Variants in CCDC178 observed in about 807,000 individuals in gnomAD.
CCDC178 encodes the protein coiled-coil domain containing 178, also known as coiled-coil domain-containing protein 178.
In CCDC178, 126 loss-of-function variants were observed where a neutral mutation model predicts 117.4. The observed-to-expected ratio is 1.07, with a 90% confidence interval of 0.93 to 1.24. The LOEUF is 1.24. CCDC178 is among the 50% of genes most tolerant of loss of function. The probability of loss-of-function intolerance (pLI) is 0.00; values close to 1 mark genes in which losing one functional copy is unlikely to be tolerated. For synonymous variants in CCDC178, 283 were observed against 313.4 expected, an observed-to-expected ratio of 0.90 and a Z score of 1.02; for missense variants, 1,030 against 986.9, an observed-to-expected ratio of 1.04 and a Z score of -0.59.
chr18:33,234,121 T>G (rs1273678650), intron 15 of CCDC178, among the ~76,000 whole-genome samples: 2 of 152,162 alleles, frequency 1.3e-5, no homozygotes, highest in Non-Finnish European at 2.9e-5. Context: ...CAATGCTTTA[T>G]TTCTATCACA....
At chr18:33,397,627 G>GA (rs1384561189) in intron 3 of CCDC178, among the ~76,000 whole-genome samples, 1 of 151,982 alleles carries the variant, frequency 6.6e-6, no homozygotes, top group Non-Finnish European at 1.5e-5. Context: ...CCAGTTTATT[G>GA]AAAAAATACA....
At chr18:33,287,309 T>A (rs1208282282) in intron 12 of CCDC178, among the ~76,000 whole-genome samples, 1 of 152,248 alleles carries the variant, frequency 6.6e-6, no homozygotes, top group Non-Finnish European at 1.5e-5. Flanking sequence ...ATGCTTAACA[T>A]GTGCTCTTTG....
chr18:33,144,029 G>C (rs1671443636), intron 20 of CCDC178, among the ~76,000 whole-genome samples: 1 of 151,966 alleles, frequency 6.6e-6, no homozygotes. Context: ...TTGAGTTTTT[G>C]TTCTAATGTG....
chr18:33,165,801 A>T (rs1294204983), intron 20 of CCDC178, among the ~76,000 whole-genome samples: 1 of 152,228 alleles, frequency 6.6e-6, no homozygotes, highest in Admixed American at 6.5e-5. Flanking sequence ...GATGTGCAGC[A>T]GAACTGTTTT....
chr18:33,416,727 C>A (rs2063946417), intron 2 of CCDC178, among the ~76,000 whole-genome samples: 1 of 152,126 alleles, frequency 6.6e-6, no homozygotes, highest in Non-Finnish European at 1.5e-5. Flanking sequence ...TAGTGTGAGA[C>A]ATTACTTGCA....
intron 6 of CCDC178, among the ~76,000 whole-genome samples, chr18:33,368,133 AT>A (rs1223674778): frequency 2.0e-5 from 3 of 151,994 alleles, no homozygotes; most frequent in Non-Finnish European, 2.9e-5. Flanking sequence ...TACCTGTGTG[AT>A]GTGTACATAT....
chr18:33,428,870 T>C (rs1416892031), intron 2 of CCDC178, among the ~76,000 whole-genome samples: 1 of 151,074 alleles, frequency 6.6e-6, no homozygotes, highest in Non-Finnish European at 1.5e-5. Flanking sequence ...TGTGCAATTG[T>C]GTGCAGTAAT....
intron 3 of CCDC178, among the ~76,000 whole-genome samples, chr18:33,411,552 AAAGT>A (rs966984671): frequency 2.8e-4 from 42 of 151,140 alleles, no homozygotes; most frequent in African/African-American, 9.2e-4. Flanking sequence ...GCAAAAAAAT[AAAGT>A]AATGCAATAA....
At chr18:33,280,353 T>A (rs1378328991) in intron 12 of CCDC178, among the ~76,000 whole-genome samples, 1 of 151,624 alleles carries the variant, frequency 6.6e-6, no homozygotes, top group Non-Finnish European at 1.5e-5. Flanking sequence ...CATGAAAAAA[T>A]GCTCATCATC....
intron 20 of CCDC178, among the ~76,000 whole-genome samples, chr18:33,194,946 C>CAGAG (rs149465796): frequency 0.031 from 3,266 of 106,122 alleles, 63 homozygotes; most frequent in African/African-American, 0.047. Context: ...GAGAGAGAGA[C>CAGAG]AGAGAGAGAG....
At chr18:33,328,523 A>C (rs1369691870) in intron 10 of CCDC178, among the ~76,000 whole-genome samples, 1 of 152,152 alleles carries the variant, frequency 6.6e-6, no homozygotes, top group East Asian at 1.9e-4. Context: ...TTGAATATAT[A>C]TGGATAGTCA....
intron 3 of CCDC178, among the ~76,000 whole-genome samples, chr18:33,398,017 T>C (rs543541478): frequency 6.6e-6 from 1 of 152,188 alleles, no homozygotes; most frequent in South Asian, 2.1e-4. Context: ...TAATAACCTA[T>C]AAAAATATGA....
At chr18:33,220,677 C>A (rs1023449610) in intron 18 of CCDC178, among the ~76,000 whole-genome samples, 2 of 151,954 alleles carry the variant, frequency 1.3e-5, no homozygotes, top group Non-Finnish European at 2.9e-5. Context: ...CGTGTGTTTG[C>A]CCTTTGTCAG....
At chr18:32,950,063 C>T (rs1292325145) in intron 22 of CCDC178, among the ~76,000 whole-genome samples, 2 of 152,082 alleles carry the variant, frequency 1.3e-5, no homozygotes, top group Admixed American at 6.5e-5. Flanking sequence ...ATGTAACAAC[C>T]AGATACTATT....
intron 21 of CCDC178, among the ~76,000 whole-genome samples, chr18:33,035,941 T>C (rs535898259): frequency 5.3e-5 from 8 of 152,130 alleles, no homozygotes; most frequent in Admixed American, 1.3e-4. Context: ...TGTTCAAAGA[T>C]TCACTGAAGT....
At chr18:33,260,546 C>T in intron 14 of CCDC178, among the ~76,000 whole-genome samples, 1 of 151,494 alleles carries the variant, frequency 6.6e-6, no homozygotes, top group East Asian at 1.9e-4. Context: ...ATAGCTATAA[C>T]AAATATATTT....
chr18:33,001,914 A>G (rs1304197492), intron 21 of CCDC178, among the ~76,000 whole-genome samples: 1 of 152,242 alleles, frequency 6.6e-6, no homozygotes, highest in Non-Finnish European at 1.5e-5. Context: ...TTTCAGGCAA[A>G]AACTACAAAA....
At chr18:33,242,008 C>T (rs565637419) in intron 15 of CCDC178, among the ~76,000 whole-genome samples, 1 of 151,892 alleles carries the variant, frequency 6.6e-6, no homozygotes, top group South Asian at 2.1e-4. Flanking sequence ...TACTACCAGA[C>T]TTCAAAATTC....
At chr18:33,189,557 A>G (rs271453) in intron 20 of CCDC178, among the ~76,000 whole-genome samples, 24,510 of 152,108 alleles carry the variant, frequency 0.16, 2,758 homozygotes, top group African/African-American at 0.32. Context: ...CATACAAGGA[A>G]TGTTACTTAG....
Sources: gnomAD v4.1 joint callset for allele counts (sites outside exome capture counted in the v4.1 genomes callset) on GRCh38, gnomAD v4.1.1 for gene constraint, MANE v1.5 for transcripts, NCBI Gene and HGNC (gene_info 2026-07-23, HGNC 2026-07-21) for gene names.